Variants in SDK2 observed in about 807,000 individuals in gnomAD.
SDK2 encodes sidekick cell adhesion molecule 2.
In SDK2, 105 loss-of-function variants were observed where a neutral mutation model predicts 253.9. The ratio of observed to expected loss-of-function variants is 0.41; its 90% CI spans 0.35 to 0.49. The LOEUF (loss-of-function observed/expected upper bound fraction) is 0.49, where lower values mean the gene tolerates loss of function less well. Among genes scored for constraint, SDK2 ranks in the 20% least tolerant of loss-of-function variants. SDK2 has a pLI of 0.06. For synonymous variants in SDK2, 1,249 were observed against 1,234.9 expected (o/e 1.01, Z -0.24); for missense variants, 2,608 against 3,003.0 (o/e 0.87, Z 3.07).
At chr17:73,635,094 T>G (rs2046314001) in intron 1 of SDK2, among the ~76,000 whole-genome samples, 1 of 152,000 alleles carries the variant, frequency 6.6e-6, no homozygotes, top group Non-Finnish European at 1.5e-5. Flanking sequence ...CAAGCAATTC[T>G]CCTGCCTCAG....
intron 44 of SDK2, among the ~76,000 whole-genome samples, chr17:73,345,405 A>T (rs2145380658): frequency 6.6e-6 from 1 of 152,310 alleles, no homozygotes; most frequent in Admixed American, 6.5e-5. Context: ...TTGAATGAGA[A>T]ATGAAAACGT....
chr17:73,447,486 C>A lies in SDK2; in HGVS notation c.613+129G>T. 3.0e-6 allele frequency: 4 copies of A among 1,349,174 alleles called. No individual in the cohort carries two copies. In the South Asian group the frequency reaches 5.7e-5, roughly 19 times the overall value. The allele number at this position is 1,349,174 out of a possible 1,614,324, so 83.6% of individuals were successfully genotyped here. A position where few individuals can be genotyped will look rare whatever the true frequency, so the allele number is the denominator to read the frequency against. ...TGTCTCGTCCTCCTTGGGAAGGCTC[C>A]CCCCGGCCGTCCCCTAGCTTCCCTG... On this transcript the variant is annotated intron_variant, in intron 5 of 44. Coordinates refer to ENST00000392650, the MANE Select transcript of SDK2 (RefSeq NM_001144952.2). This position sits in a 1 kb window ranked among gnomAD's most constrained non-coding sequence, Gnocchi z 4.0.
chr17:73,571,610 TCTCCACAG>T (rs2045387787), intron 1 of SDK2, among the ~76,000 whole-genome samples: 1 of 152,066 alleles, frequency 6.6e-6, no homozygotes, highest in Admixed American at 6.5e-5. Context: ...TGTAAACAGC[TCTCCACAG>T]CACTCATTAG....
Position 73,393,726 on chromosome 17 carries a change from C to A in SDK2, c.3732G>T (p.Ser1244=). The A allele has an allele frequency of 6.3e-7, 1 of 1,582,650 alleles. No homozygotes were observed. ...GYKVMYKEKD[S]DTQPRFWLVE... ...CCAGCCAGAATCGGGGCTGGGTGTC[C>A]GAGTCCTTCTCCTTATACATCACCT... Residue 1244 remains serine (S), a synonymous_variant, in exon 27 of 45, where the codon TCG becomes TCT. Coordinates refer to ENST00000392650, the MANE Select transcript of SDK2 (RefSeq NM_001144952.2).
chr17:73,359,570 G>T (rs1244714611), intron 39 of SDK2, among the ~76,000 whole-genome samples: 1 of 152,188 alleles, frequency 6.6e-6, no homozygotes, highest in South Asian at 2.1e-4. Context: ...AGCTTCCAGC[G>T]AGTCCAGCCA....
At chr17:73,414,501 C>T in intron 18 of SDK2, 143 bp downstream of exon 18, 1 of 656,824 alleles carries the variant, frequency 1.5e-6, no homozygotes, top group Non-Finnish European at 2.7e-6. Flanking sequence ...AACTCTTTTC[C>T]TCTAATGTGT....
chr17:73,415,130 G>C (rs1262001027), intron 17 of SDK2, among the ~76,000 whole-genome samples: 1 of 152,120 alleles, frequency 6.6e-6, no homozygotes, highest in Non-Finnish European at 1.5e-5. Flanking sequence ...GTCCAAGCCA[G>C]CCTCCTCTTC....
intron 1 of SDK2, among the ~76,000 whole-genome samples, chr17:73,579,356 G>T (rs1370653518): frequency 1.3e-5 from 2 of 152,152 alleles, no homozygotes; most frequent in African/African-American, 4.8e-5. Flanking sequence ...ACTTTATGGG[G>T]CACTGCTTTC....
intron 26 of SDK2, among the ~76,000 whole-genome samples, 167 bp downstream of exon 26, chr17:73,394,042 G>A (rs2145504758): frequency 6.6e-6 from 1 of 152,292 alleles, no homozygotes; most frequent in African/African-American, 2.4e-5. Flanking sequence ...CACCCACAAG[G>A]GATGACTCAT....
chr17:73,387,478 A>G (rs766043152), intron 30 of SDK2, among the ~76,000 whole-genome samples: 44 of 152,188 alleles, frequency 2.9e-4, no homozygotes, highest in Non-Finnish European at 1.0e-4. Flanking sequence ...TGAAGCTAGA[A>G]TTTCGGAGTG....
intron 13 of SDK2, 33 bp from the exon 14 acceptor site, chr17:73,423,555 T>C: frequency 6.7e-7 from 1 of 1,501,442 alleles, no homozygotes; most frequent in African/African-American, 1.4e-5. Context: ...GGCATCCCTA[T>C]GTGGTCTGCA....
intron 1 of SDK2, among the ~76,000 whole-genome samples, chr17:73,567,926 T>A (rs1230678532): frequency 6.6e-6 from 1 of 152,268 alleles, no homozygotes. Flanking sequence ...AAATGAGACT[T>A]TAAACTTTTT....
At chr17:73,343,182 A>C (rs2062454108) in intron 44 of SDK2, among the ~76,000 whole-genome samples, 1 of 152,226 alleles carries the variant, frequency 6.6e-6, no homozygotes, top group South Asian at 2.1e-4. Flanking sequence ...TACTATCTGC[A>C]GAATGCCTAC....
chr17:73,422,359 G>C lies in SDK2; in HGVS notation c.1973C>G (p.Ala658Gly). ...TSVTVKGLVPARSYQFRLCAV... is the reference protein window; with the variant it reads ...TSVTVKGLVPGRSYQFRLCAV... Reference sequence around the variant, plus strand: ...ACAAAGACGGAACTGGTAGGAGCGTGCAGGAACCAGGCCCTTGACTGTCAC... The same window carrying C: ...ACAAAGACGGAACTGGTAGGAGCGTCCAGGAACCAGGCCCTTGACTGTCAC... The change falls in exon 15 of 45, where the codon GCA becomes GGA. Residue 658 changes from alanine to glycine, a missense_variant. Transcript: ENST00000392650. 3 of 1,614,044 alleles carry C rather than the reference G, an allele frequency of 1.9e-6. No homozygotes were observed. The highest frequency in any genetic ancestry group is 2.5e-6 in the Non-Finnish European group (3 of 1,179,898).
chr17:73,349,734 TGG>T (rs2145392888), intron 43 of SDK2, among the ~76,000 whole-genome samples: 2 of 152,280 alleles, frequency 1.3e-5, no homozygotes, highest in South Asian at 4.1e-4. Context: ...AATAAGGACC[TGG>T]GGGAGAGGGT....
chr17:73,406,452 G>A (rs968116918), intron 18 of SDK2, among the ~76,000 whole-genome samples: 1 of 151,642 alleles, frequency 6.6e-6, no homozygotes, highest in Non-Finnish European at 1.5e-5. Context: ...ATTTCACTAT[G>A]TTGGCCATGG....
rs902049810 is a variant in SDK2 at position 73,336,215 on chromosome 17, G to A, written c.*2372C>T. ...AAAAAAAAGATGAGAGGAAAGAAAA[G>A]AAAGCTGTGCGGCACGATCACAGGC... is the stretch of plus-strand genomic sequence containing the variant. On this transcript the variant is annotated 3_prime_UTR_variant, in exon 45 of 45. Transcript: ENST00000392650. 1.3e-5 allele frequency: 2 copies of A among 148,366 alleles called. No individual in the cohort carries two copies. Among genetic ancestry groups the A allele is most frequent in the Non-Finnish European group, 3.0e-5 (2 of 66,852 alleles). 9.2% of individuals were successfully genotyped at this position (148,366 alleles called of 1,614,324 possible).
intron 1 of SDK2, among the ~76,000 whole-genome samples, chr17:73,546,741 A>C (rs1254790641): frequency 6.6e-6 from 1 of 152,180 alleles, no homozygotes; most frequent in Non-Finnish European, 1.5e-5. Flanking sequence ...GTGACCCATA[A>C]GTCCCTTTCA....
Position 73,446,243 on chromosome 17 carries a change from C to T in SDK2, c.613+1372G>A, listed in dbSNP as rs1178095012. On this transcript the variant is annotated intron_variant, in intron 5 of 44. Coordinates refer to ENST00000392650, the MANE Select transcript of SDK2 (RefSeq NM_001144952.2). ...AAAATATATGGGGAGAAGCATCTCT[C>T]TTTGATGACTAAATTCCCTTCTCCT... Among the ~76,000 whole-genome samples, 6 of 152,278 alleles carry T rather than the reference C, an allele frequency of 3.9e-5. No individual in the cohort carries two copies. In the East Asian group the frequency reaches 1.2e-3, roughly 29 times the overall value.
Sources: gnomAD v4.1 joint callset for allele counts (sites outside exome capture counted in the v4.1 genomes callset) on GRCh38, gnomAD v4.1.1 for gene constraint, Gnocchi (gnomAD v3.1) non-coding constraint, MANE v1.5 for transcripts, NCBI Gene and HGNC (gene_info 2026-07-23, HGNC 2026-07-21) for gene names.